ACTR10: variants seen among roughly 807,000 people sequenced by gnomAD.
ACTR10 encodes actin-related protein 10.
ACTR10 carries 43 observed loss-of-function variants against 56.2 expected under a neutral mutation model. That is an observed-to-expected ratio of 0.77 (90% CI 0.60 to 0.99). ACTR10 has a LOEUF of 0.99. Ranked by LOEUF, ACTR10 falls within the 50% of genes least tolerant of loss-of-function variation. The pLI, the probability that ACTR10 is intolerant of heterozygous loss-of-function variation, is 0.00. For missense variants in ACTR10, 466 were observed against 507.8 expected (o/e 0.92, Z 0.79); for synonymous variants, 170 against 176.3 (o/e 0.96, Z 0.28).
intron 10 of ACTR10, 85 bp downstream of exon 10, chr14:58,223,941 C>A: frequency 9.9e-7 from 1 of 1,014,084 alleles, no homozygotes; most frequent in Non-Finnish European, 1.5e-6. Flanking sequence ...CTTTATTTCA[C>A]TATTGCCATT....
rs1195356213 is a variant in ACTR10, at chr14:58,215,091, G to GT, written c.519-113dup. The GT allele has an allele frequency of 9.5e-6, 6 of 634,650 alleles. No homozygotes were observed. In the African/African-American group the frequency reaches 1.1e-4, roughly 12 times the overall value. The allele number at this position is 634,650 out of a possible 1,614,324, so 39.3% of individuals were successfully genotyped here. A position where few individuals can be genotyped will look rare whatever the true frequency, so the allele number is the denominator to read the frequency against. On this transcript the variant is annotated intron_variant, in intron 6 of 12. Coordinates refer to ENST00000254286, the MANE Select transcript of ACTR10 (RefSeq NM_018477.3). ...ACTTCACTCCAGCCTGGGCAACAGA[G>GT]TAAGACTGTCTCCAAAAAAAAAATC...
chr14:58,203,302 CAA>C (rs11384472), intron 2 of ACTR10, among the ~76,000 whole-genome samples: 5 of 105,454 alleles, frequency 4.7e-5, no homozygotes, highest in Admixed American at 1.1e-4. Context: ...GACTTCGTCT[CAA>C]AAAAAAAAAA....
Position 58,211,357 on chromosome 14 carries a change from C to T in ACTR10, c.408C>T (p.Ala136=). ...TTCTGACGCTTGGAATTAATTCTGC[C>T]ATGGTCCTAGATTGTGGATATAGGG... ...MALLTLGINS[A]MVLDCGYRES... The change falls in exon 5 of 13, where the codon GCC becomes GCT. Residue 136 remains alanine, a synonymous_variant. Transcript: ENST00000254286. 1 of 1,613,792 alleles carries T rather than the reference C, an allele frequency of 6.2e-7. No homozygotes were observed. The highest frequency in any genetic ancestry group is 8.5e-7 in the Non-Finnish European group (1 of 1,179,834).
intron 7 of ACTR10, among the ~76,000 whole-genome samples, chr14:58,217,096 A>G (rs1180366490): frequency 1.3e-5 from 2 of 152,232 alleles, no homozygotes; most frequent in African/African-American, 4.8e-5. Flanking sequence ...ATGTCTTAGT[A>G]TATTTTGGTG....
intron 7 of ACTR10, among the ~76,000 whole-genome samples, chr14:58,216,756 G>A (rs756621547): frequency 3.3e-5 from 5 of 152,088 alleles, no homozygotes; most frequent in Non-Finnish European, 7.4e-5. Context: ...TCTTAATGGT[G>A]AAGCCTTCCT....
chr14:58,223,818 A>C lies in ACTR10; in HGVS notation c.750A>C (p.Leu250Phe). The C allele has an allele frequency of 1.9e-6, 3 of 1,613,200 alleles. No individual in the cohort carries two copies. Among genetic ancestry groups the C allele is most frequent in the South Asian group, 1.1e-5 (1 of 90,922 alleles). The change falls in exon 10 of 13, where the codon TTA (leucine) becomes TTC (phenylalanine). Residue 250 changes from leucine to phenylalanine, a missense_variant. Leu to Phe is a conservative substitution (Grantham distance 22). Coordinates refer to ENST00000254286, the MANE Select transcript of ACTR10 (RefSeq NM_018477.3). ...PSPPPNVDYP[L>F]DGEKILHILG... Reference sequence around the variant, plus strand: ...CACCCCCAAATGTTGACTATCCATTAGATGGAGAGAAGATTTTACATATCC... The same window carrying C: ...CACCCCCAAATGTTGACTATCCATTCGATGGAGAGAAGATTTTACATATCC...
Position 58,204,386 on chromosome 14 carries a change from AAAAAT to A in ACTR10, c.150+1475_150+1479del, listed in dbSNP as rs1453130926. Among the ~76,000 whole-genome samples the A allele has an allele frequency of 3.3e-5, 5 of 152,098 alleles. No homozygotes were observed. In the East Asian group the frequency reaches 7.7e-4, roughly 24 times the overall value. On this transcript the variant is annotated intron_variant, in intron 2 of 12. Transcript: ENST00000254286. Reference sequence around the variant, plus strand: ...GCGACAGAGCGAGACTCCATCTCAAAAAAATAAAATAAAATAAAATCGTGGAGGTG... The same window carrying A: ...GCGACAGAGCGAGACTCCATCTCAAAAAAATAAAATAAAATCGTGGAGGTG...
At chr14:58,225,856 G>A (rs1330967498) in intron 10 of ACTR10, among the ~76,000 whole-genome samples, 1 of 152,050 alleles carries the variant, frequency 6.6e-6, no homozygotes, top group Non-Finnish European at 1.5e-5. Flanking sequence ...AGGATTACAG[G>A]CGCCCATCAC....
intron 1 of ACTR10, among the ~76,000 whole-genome samples, 175 bp from the exon 2 acceptor site, chr14:58,202,680 A>G (rs773988230): frequency 2.0e-5 from 3 of 152,160 alleles, no homozygotes; most frequent in Non-Finnish European, 4.4e-5. Flanking sequence ...CACAAGCATT[A>G]ATAAATAGTA....
chr14:58,210,449 T>C (rs1271551989), intron 4 of ACTR10, among the ~76,000 whole-genome samples: 1 of 152,094 alleles, frequency 6.6e-6, no homozygotes, highest in African/African-American at 2.4e-5. Context: ...TGAGCTGTGA[T>C]TGCACCACTG....
Position 58,234,360 on chromosome 14 carries a change from T to C in ACTR10, c.1073-10T>C. The C allele has an allele frequency of 6.5e-7, 1 of 1,528,800 alleles. No individual in the cohort carries two copies. The highest frequency in any genetic ancestry group is 8.8e-7 in the Non-Finnish European group (1 of 1,133,442). 94.7% of individuals were successfully genotyped at this position (1,528,800 alleles called of 1,614,324 possible). A position where few individuals can be genotyped will look rare whatever the true frequency, so the allele number is the denominator to read the frequency against. On this transcript the variant is annotated splice_polypyrimidine_tract_variant and intron_variant, in intron 12 of 12. Coordinates refer to ENST00000254286, the MANE Select transcript of ACTR10 (RefSeq NM_018477.3). ...TCATCTTAGCTATAAAAAATATTTTTGTCACACAGGGGCTATTTTTGGAGC... is the reference window on the plus strand; with the variant it reads ...TCATCTTAGCTATAAAAAATATTTTCGTCACACAGGGGCTATTTTTGGAGC...
intron 4 of ACTR10, 170 bp from the exon 5 acceptor site, chr14:58,211,122 A>G (rs1888983281): frequency 2.0e-6 from 1 of 505,554 alleles, no homozygotes; most frequent in African/African-American, 1.9e-5. Flanking sequence ...ATTTATATAA[A>G]TCAACAAACT....
At chr14:58,214,117 T>C (rs1445860612) in intron 6 of ACTR10, among the ~76,000 whole-genome samples, 1 of 152,200 alleles carries the variant, frequency 6.6e-6, no homozygotes, top group African/African-American at 2.4e-5. Flanking sequence ...TCTTACTGTT[T>C]CTATTTTTTT....
chr14:58,206,342 A>ATT (rs71107920), intron 2 of ACTR10, among the ~76,000 whole-genome samples: 77 of 145,132 alleles, frequency 5.3e-4, no homozygotes, highest in Admixed American at 2.4e-3. Flanking sequence ...CACCCAGCTA[A>ATT]TTTTTTTTTT....
In ACTR10 at chr14:58,200,149, G is replaced by A. The variant is rs1173915904; in HGVS notation, c.-69G>A. The A allele has an allele frequency of 9.9e-6, 12 of 1,209,228 alleles. No homozygotes were observed. Among genetic ancestry groups the A allele is most frequent in the African/African-American group, 1.6e-5 (1 of 63,298 alleles). 74.9% of individuals were successfully genotyped at this position (1,209,228 alleles called of 1,614,324 possible). A position where few individuals can be genotyped will look rare whatever the true frequency, so the allele number is the denominator to read the frequency against. ...GCCCGAGCGCCGGAGCCCCGGCCCC[G>A]CCCCGCGAGCGCCGAGACTTGTTGG... On this transcript the variant is annotated 5_prime_UTR_variant, in exon 1 of 13. Coordinates refer to ENST00000254286, the MANE Select transcript of ACTR10 (RefSeq NM_018477.3).
Position 58,234,444 on chromosome 14 carries a change from C to T in ACTR10, c.1147C>T (p.Arg383Cys), listed in dbSNP as rs760553331. ...VSKEYYNQTGRIPDWCSLNNP... is the reference protein window; with the variant it reads ...VSKEYYNQTGCIPDWCSLNNP... ...AAAGGAATATTATAATCAGACGGGC[C>T]GTATACCTGATTGGTGTTCTCTCAA... Residue 383 changes from arginine (R) to cysteine (C), a missense_variant, in exon 13 of 13, where the codon CGT becomes TGT. Coordinates refer to ENST00000254286, the MANE Select transcript of ACTR10 (RefSeq NM_018477.3). 50 of 1,613,120 alleles carry T rather than the reference C, an allele frequency of 3.1e-5. No homozygotes were observed. The highest frequency in any genetic ancestry group is 4.0e-5 in the Non-Finnish European group (47 of 1,179,592).
intron 11 of ACTR10, among the ~76,000 whole-genome samples, chr14:58,230,836 C>T (rs71414195): frequency 0.22 from 33,658 of 150,820 alleles, 4,131 homozygotes; most frequent in Middle Eastern, 0.33. Context: ...TCTCAGCTCA[C>T]TGCAGCCTCT....
intron 10 of ACTR10, among the ~76,000 whole-genome samples, chr14:58,227,805 TC>T (rs1889437380): frequency 6.6e-6 from 1 of 152,210 alleles, no homozygotes; most frequent in Non-Finnish European, 1.5e-5. Flanking sequence ...ATGCATAATA[TC>T]CCAATTTTAT....
At chr14:58,211,134 G>T in intron 4 of ACTR10, 158 bp from the exon 5 acceptor site, 1 of 520,916 alleles carries the variant, frequency 1.9e-6, no homozygotes, top group African/African-American at 1.9e-5. Context: ...CAACAAACTA[G>T]TTCTTAATTA....
Sources: gnomAD v4.1 joint callset for allele counts (sites outside exome capture counted in the v4.1 genomes callset) on GRCh38, gnomAD v4.1.1 for gene constraint, MANE v1.5 for transcripts, NCBI Gene and HGNC (gene_info 2026-07-23, HGNC 2026-07-21) for gene names.